The following GCSAML variants were observed in gnomAD, a reference collection of about 807,000 sequenced individuals.
The protein encoded by GCSAML is germinal center associated signaling and motility like, also known as germinal center-associated signaling and motility-like protein.
Under a neutral mutation model 13.0 loss-of-function variants are expected in GCSAML, and 9 were observed. The ratio of observed to expected loss-of-function variants is 0.69; its 90% confidence interval spans 0.42 to 1.21. GCSAML has a LOEUF of 1.21. GCSAML is among the 50% of genes most tolerant of loss of function. GCSAML has a pLI of 0.00. For synonymous variants in GCSAML, 37 were observed against 52.9 expected (o/e 0.70, Z 1.31); for missense variants, 143 against 153.4 (o/e 0.93, Z 0.36).
Position 247,574,415 on chromosome 1 carries a change from T to G in GCSAML, c.*33T>G, listed in dbSNP as rs1321932935. On this transcript the variant is annotated 3_prime_UTR_variant, in exon 5 of 5. Transcript: ENST00000366488. ...AAGCTGCTTTATCACCTTCCAGCAA[T>G]GAAGACAATGCAGAATAGCAGACTC... 6.2e-7 allele frequency: 1 copy of G among 1,609,146 alleles called. No homozygotes were observed.
intron 1 of GCSAML, among the ~76,000 whole-genome samples, chr1:247,522,285 C>CAGGA: frequency 9.3e-6 from 1 of 107,310 alleles, no homozygotes; most frequent in African/African-American, 3.2e-5. Context: ...CCGCCCTGTC[C>CAGGA]GGGAGGGAGG....
At chr1:247,545,068 T>C (rs184707722), upstream of GCSAML, among the ~76,000 whole-genome samples, 1 of 152,338 alleles carries the variant, frequency 6.6e-6, no homozygotes, top group East Asian at 1.9e-4. Flanking sequence ...GCTAGCTTTT[T>C]CATTGGTTAA....
chr1:247,561,890 C>T (rs931865293), intron 2 of GCSAML, among the ~76,000 whole-genome samples: 5 of 152,038 alleles, frequency 3.3e-5, no homozygotes, highest in Non-Finnish European at 7.4e-5. Flanking sequence ...CCCGGCGCCG[C>T]AAAGCCAAAA....
chr1:247,546,741 A>C (rs61838226), upstream of GCSAML, among the ~76,000 whole-genome samples: 374 of 152,162 alleles, frequency 2.5e-3, 2 homozygotes, highest in South Asian at 0.012. Flanking sequence ...AAACTTTTAA[A>C]TCAATGGGTG....
At chr1:247,531,871 A>G (rs1275096628) in intron 2 of GCSAML, 1 of 1,614,234 alleles carries the variant, frequency 6.2e-7, no homozygotes, top group East Asian at 2.2e-5. Context: ...GACCAGGATG[A>G]GCCCCAGAGG....
chr1:247,540,010 C>T (rs565283883), intron 2 of GCSAML, among the ~76,000 whole-genome samples: 177 of 152,246 alleles, frequency 1.2e-3, no homozygotes, highest in Non-Finnish European at 1.9e-3. Context: ...TCCTCAAAAA[C>T]GCCAGGCTCT....
intron 2 of GCSAML, chr1:247,532,228 T>C (rs375883737): frequency 1.8e-5 from 29 of 1,614,042 alleles, no homozygotes; most frequent in Non-Finnish European, 2.5e-5. Flanking sequence ...ACACCCTCCA[T>C]AGCTTATGGT....
chr1:247,532,815 T>C (rs1558243037), intron 2 of GCSAML, among the ~76,000 whole-genome samples: 1 of 151,884 alleles, frequency 6.6e-6, no homozygotes, highest in Non-Finnish European at 1.5e-5. Context: ...AACAGCTACG[T>C]GGATGGCATT....
intron 2 of GCSAML, chr1:247,529,834 C>T (rs1386272881): frequency 6.6e-6 from 1 of 150,696 alleles, no homozygotes; most frequent in Admixed American, 6.7e-5. Context: ...AGTTGAAAGC[C>T]TTAAGAGAAA....
intron 1 of GCSAML, among the ~76,000 whole-genome samples, chr1:247,512,274 T>C (rs1266639274): frequency 6.6e-6 from 1 of 151,844 alleles, no homozygotes; most frequent in African/African-American, 2.4e-5. Context: ...CAATCTCTGA[T>C]ACCCTTTCTT....
chr1:247,536,935 T>C lies in GCSAML; in HGVS notation c.-148+9881T>C, dbSNP rs528976734. ...ATGAGATAATGTTTTTCTTAATAAG[T>C]TAAATTTATCAATTTATTTTTATTT... On this transcript the variant is annotated intron_variant, in intron 2 of 5. Transcript: ENST00000366489. Among the ~76,000 whole-genome samples the C allele has an allele frequency of 2.4e-3, 371 of 152,338 alleles. 4 individuals carry two copies. Among genetic ancestry groups the C allele is most frequent in the African/African-American group, 8.6e-3 (356 of 41,572 alleles).
Position 247,527,806 on chromosome 1 carries a change from T to C in GCSAML, c.-148+752T>C, listed in dbSNP as rs2103327303. 6.6e-6 allele frequency: 1 copy of C among 152,262 alleles called. No homozygotes were observed. Among genetic ancestry groups the C allele is most frequent in the Non-Finnish European group, 1.5e-5 (1 of 68,002 alleles). The allele number at this position is 152,262 out of a possible 1,614,324, so 9.4% of individuals were successfully genotyped here. A position where few individuals can be genotyped will look rare whatever the true frequency, so the allele number is the denominator to read the frequency against. ...ACAGAATATATTATTGTTATGGTCA[T>C]CCCGCAGTGGTATAGAACACTAGAA... On this transcript the variant is annotated intron_variant, in intron 2 of 5. Transcript: ENST00000366489. The surrounding 1 kb of genome is among the most constrained non-coding windows in gnomAD (Gnocchi z 4.6).
intron 2 of GCSAML, chr1:247,532,607 A>T (rs1667031699): frequency 8.5e-7 from 1 of 1,171,112 alleles, no homozygotes; most frequent in East Asian, 2.4e-5. Flanking sequence ...AGCAAACATT[A>T]AAAGTGTATT....
intron 4 of GCSAML, among the ~76,000 whole-genome samples, chr1:247,570,350 A>G (rs146401745): frequency 0.022 from 3,392 of 152,250 alleles, 57 homozygotes; most frequent in Non-Finnish European, 0.035. Context: ...ATTTAGTGCT[A>G]TAAATTTCCC....
At chr1:247,559,373 G>A (rs1668049424) in intron 2 of GCSAML, among the ~76,000 whole-genome samples, 1 of 152,108 alleles carries the variant, frequency 6.6e-6, no homozygotes, top group Admixed American at 6.5e-5. Context: ...ATAGTTTGGT[G>A]TGTAGCAATT....
At chr1:247,517,787 G>T (rs1666264518) in intron 1 of GCSAML, among the ~76,000 whole-genome samples, 1 of 152,160 alleles carries the variant, frequency 6.6e-6, no homozygotes, top group Non-Finnish European at 1.5e-5. Context: ...CGCACTGAGA[G>T]GACAGAACAA....
At chr1:247,516,558 T>G (rs1231230133) in intron 1 of GCSAML, among the ~76,000 whole-genome samples, 1 of 151,916 alleles carries the variant, frequency 6.6e-6, no homozygotes, top group Non-Finnish European at 1.5e-5. Context: ...TGACTGTTTT[T>G]TTTTTTTTTT....
At chr1:247,550,432 T>C (rs1166850285) in intron 1 of GCSAML, among the ~76,000 whole-genome samples, 7 of 152,086 alleles carry the variant, frequency 4.6e-5, no homozygotes, top group African/African-American at 1.7e-4. Context: ...GGTCAGGAGA[T>C]CGAGACCATT....
At chr1:247,532,604 ATTAAAAGTG>A (rs1667031535) in intron 2 of GCSAML, 2 of 1,181,236 alleles carry the variant, frequency 1.7e-6, no homozygotes, top group South Asian at 3.0e-5. Context: ...GTTAGCAAAC[ATTAAAAGTG>A]TATTTTAGTT....
Sources: allele counts gnomAD v4.1 joint callset (sites outside exome capture counted in the v4.1 genomes callset), GRCh38; gene constraint gnomAD v4.1.1; non-coding constraint Gnocchi (gnomAD v3.1); transcripts MANE v1.5; gene names NCBI Gene and HGNC (gene_info 2026-07-23, HGNC 2026-07-21).